The following FOCAD variants were observed in gnomAD, a reference collection of about 807,000 sequenced individuals.
FOCAD encodes focadhesin.
Under a neutral mutation model 225.6 loss-of-function variants are expected in FOCAD, and 198 were observed. That is an observed-to-expected ratio of 0.88 (90% CI 0.78 to 0.99). The LOEUF (loss-of-function observed/expected upper bound fraction) is 0.99. Ranked by LOEUF, FOCAD falls within the 50% of genes least tolerant of loss-of-function variation. The pLI is 0.00. For missense variants in FOCAD, 2,713 were observed against 2,123.6 expected (o/e 1.28, Z -5.46); for synonymous variants, 897 against 755.0 (o/e 1.19, Z -3.08).
At chr9:20,903,656 A>G (rs1564132284) in intron 21 of FOCAD, among the ~76,000 whole-genome samples, 3 of 151,868 alleles carry the variant, frequency 2.0e-5, no homozygotes, top group Admixed American at 6.6e-5. Flanking sequence ...TATTGTAGTT[A>G]GACTGACCTC....
intron 6 of FOCAD, among the ~76,000 whole-genome samples, chr9:20,763,992 G>A (rs1318416066): frequency 1.3e-5 from 2 of 152,082 alleles, no homozygotes; most frequent in Admixed American, 6.5e-5. Flanking sequence ...TTCTTTATCC[G>A]TGTTATAAGG....
intron 1 of FOCAD, among the ~76,000 whole-genome samples, chr9:20,689,412 A>G (rs1337227466): frequency 1.4e-5 from 2 of 143,250 alleles, no homozygotes; most frequent in Non-Finnish European, 3.0e-5. Context: ...TAGATGAGAG[A>G]TGAAGATACT....
intron 39 of FOCAD, among the ~76,000 whole-genome samples, chr9:20,983,370 G>A (rs919571358): frequency 6.6e-6 from 1 of 151,956 alleles, no homozygotes. Flanking sequence ...TCAAGAGATC[G>A]AGACTATTCT....
At chr9:20,764,150 A>G (rs1829855113) in intron 6 of FOCAD, among the ~76,000 whole-genome samples, 1 of 152,068 alleles carries the variant, frequency 6.6e-6, no homozygotes, top group Non-Finnish European at 1.5e-5. Context: ...GTTTGTCTGG[A>G]TTTCTTTTAT....
chr9:20,727,445 A>G (rs1160913927), intron 4 of FOCAD, among the ~76,000 whole-genome samples: 1 of 152,202 alleles, frequency 6.6e-6, no homozygotes, highest in Non-Finnish European at 1.5e-5. Flanking sequence ...AAATCAGGCC[A>G]TTTTTGGTAC....
At chr9:20,727,063 T>G (rs1330843679) in intron 4 of FOCAD, among the ~76,000 whole-genome samples, 1 of 152,194 alleles carries the variant, frequency 6.6e-6, no homozygotes, top group Non-Finnish European at 1.5e-5. Flanking sequence ...CTTATTTAAC[T>G]TTTAGTAGAG....
intron 6 of FOCAD, 107 bp downstream of exon 6, chr9:20,758,298 G>C (rs2130895401): frequency 1.5e-6 from 1 of 676,072 alleles, no homozygotes; most frequent in East Asian, 3.0e-5. Context: ...TAGCTGCTTT[G>C]ATCTATAATG....
At chr9:20,841,482 T>C (rs7860343) in intron 15 of FOCAD, among the ~76,000 whole-genome samples, 125,028 of 151,372 alleles carry the variant, frequency 0.83, 51,780 homozygotes, top group Admixed American at 0.88. Flanking sequence ...CTTCCTAGTT[T>C]GGTCTTGTTG....
upstream of FOCAD, among the ~76,000 whole-genome samples, chr9:20,656,124 G>A (rs1183615444): frequency 6.7e-6 from 1 of 149,802 alleles, no homozygotes; most frequent in Non-Finnish European, 1.5e-5. Flanking sequence ...TAGTTTGATT[G>A]CACTGTGGTC....
chr9:20,949,070 G>T, intron 32 of FOCAD, 142 bp downstream of exon 32: 6 of 677,958 alleles, frequency 8.9e-6, no homozygotes, highest in Non-Finnish European at 2.5e-6. Flanking sequence ...TTAATGCCTT[G>T]CTGTATGAAT....
chr9:20,797,778 C>G (rs997586503), intron 11 of FOCAD, among the ~76,000 whole-genome samples: 1 of 152,194 alleles, frequency 6.6e-6, no homozygotes, highest in Non-Finnish European at 1.5e-5. Context: ...GATATACAAT[C>G]ATGCCATCTG....
Position 20,789,576 on chromosome 9 carries a change from A to G in FOCAD, c.1423A>G (p.Thr475Ala), listed in dbSNP as rs201354712. Reference sequence around the variant, plus strand: ...AAATCTTCACCAAATACTCAAGGTCACTACAGAATTAGCCCAAGCAGATTC... The same window carrying G: ...AAATCTTCACCAAATACTCAAGGTCGCTACAGAATTAGCCCAAGCAGATTC... The part of the protein sequence containing the change: ...GQNLHQILKV[T>A]TELAQADSSQ... Residue 475 changes from threonine (T) to alanine (A), a missense_variant, in exon 11 of 44, where the codon ACT becomes GCT. Coordinates refer to ENST00000338382, the MANE Select transcript of FOCAD (RefSeq NM_001375567.1). The G allele has an allele frequency of 2.5e-6, 4 of 1,614,016 alleles. No homozygotes were observed. The highest frequency in any genetic ancestry group is 3.4e-6 in the Non-Finnish European group (4 of 1,179,962).
At chr9:20,803,005 C>G (rs1238672087) in intron 11 of FOCAD, among the ~76,000 whole-genome samples, 2 of 152,060 alleles carry the variant, frequency 1.3e-5, no homozygotes, top group African/African-American at 4.8e-5. Context: ...TGCCTCCTTT[C>G]ATTATTTCCA....
At chr9:20,874,859 G>T (rs1273031982) in intron 19 of FOCAD, 52 bp downstream of exon 19, 2 of 1,607,234 alleles carry the variant, frequency 1.2e-6, no homozygotes, top group Non-Finnish European at 1.7e-6. Flanking sequence ...GGTTCGATTT[G>T]TCTGATTGTA....
At chr9:20,926,526 G>T (rs1834963926) in intron 26 of FOCAD, 109 bp downstream of exon 26, 3 of 695,674 alleles carry the variant, frequency 4.3e-6, no homozygotes, top group Non-Finnish European at 7.7e-6. Flanking sequence ...GCTCACGCCT[G>T]TAATCCCAGC....
At chr9:20,776,605 G>A (rs1447566485) in intron 8 of FOCAD, among the ~76,000 whole-genome samples, 4 of 152,086 alleles carry the variant, frequency 2.6e-5, no homozygotes, top group Non-Finnish European at 5.9e-5. Context: ...GAACAGGCCA[G>A]TCTCACCCTT....
At chr9:20,736,657 A>T (rs1006465433) in intron 4 of FOCAD, among the ~76,000 whole-genome samples, 1 of 152,182 alleles carries the variant, frequency 6.6e-6, no homozygotes, top group Non-Finnish European at 1.5e-5. Flanking sequence ...GAACATTATT[A>T]TCTTTATGTT....
In FOCAD at chr9:20,862,799, T is replaced by C. The variant is rs1011598481; in HGVS notation, c.2055+87T>C. On this transcript the variant is annotated intron_variant, in intron 16 of 43. Transcript: ENST00000338382. Reference sequence around the variant, plus strand: ...ACTTTTGGAATAAATATTCCTAATCTGTTGTTGTTGTTGTTGTTGTTCTGA... The same window carrying C: ...ACTTTTGGAATAAATATTCCTAATCCGTTGTTGTTGTTGTTGTTGTTCTGA... The C allele has an allele frequency of 6.8e-6, 8 of 1,182,150 alleles. No individual in the cohort carries two copies. The African/African-American group carries it at 1.2e-4, about 18-fold the overall frequency. The allele number at this position is 1,182,150 out of a possible 1,614,324, so 73.2% of individuals were successfully genotyped here.
chr9:20,982,800 A>G (rs889044021), intron 39 of FOCAD, among the ~76,000 whole-genome samples: 1 of 152,244 alleles, frequency 6.6e-6, no homozygotes, highest in Non-Finnish European at 1.5e-5. Flanking sequence ...GCCCAAGTCA[A>G]ACGATGAATG....
Sources: gnomAD v4.1 joint callset for allele counts (sites outside exome capture counted in the v4.1 genomes callset) on GRCh38, gnomAD v4.1.1 for gene constraint, MANE v1.5 for transcripts, NCBI Gene and HGNC (gene_info 2026-07-23, HGNC 2026-07-21) for gene names.